Variants in PDE10A observed in about 807,000 individuals in gnomAD.
PDE10A encodes the protein cAMP and cAMP-inhibited cGMP 3',5'-cyclic phosphodiesterase 10A.
Under a neutral mutation model 97.7 loss-of-function variants are expected in PDE10A, and 39 were observed. The ratio of observed to expected loss-of-function variants is 0.40; its 90% CI spans 0.31 to 0.52. The LOEUF (loss-of-function observed/expected upper bound fraction) is 0.52. Ranked by LOEUF, PDE10A falls within the 20% of genes least tolerant of loss-of-function variation. The pLI is 0.56. For synonymous variants in PDE10A, 371 were observed against 376.8 expected (o/e 0.98, Z 0.18); for missense variants, 731 against 1,047.8 (o/e 0.70, Z 4.17).
At chr6:165,391,919 G>T (rs148338465) in intron 16 of PDE10A, among the ~76,000 whole-genome samples, 6 of 152,288 alleles carry the variant, frequency 3.9e-5, no homozygotes, top group Non-Finnish European at 8.8e-5. Context: ...CCTAAAAGAT[G>T]ATACCAGTTT....
intron 1 of PDE10A, among the ~76,000 whole-genome samples, chr6:165,713,228 C>T (rs1341900169): frequency 6.6e-6 from 1 of 152,186 alleles, no homozygotes; most frequent in African/African-American, 2.4e-5. Flanking sequence ...GAATCCCTCC[C>T]TTCTAGCAGA....
At chr6:165,691,886 A>G (rs1025380761) in intron 1 of PDE10A, among the ~76,000 whole-genome samples, 3 of 151,984 alleles carry the variant, frequency 2.0e-5, no homozygotes, top group African/African-American at 7.3e-5. Flanking sequence ...TACGCTTTTC[A>G]CCCAAGCACT....
chr6:165,800,440 G>A (rs1426241103), intron 1 of PDE10A, among the ~76,000 whole-genome samples: 1 of 152,226 alleles, frequency 6.6e-6, no homozygotes, highest in Non-Finnish European at 1.5e-5. Flanking sequence ...AGCATCGGCT[G>A]GAACTGCGGC....
chr6:165,829,234 C>T (rs932758419), intron 1 of PDE10A, among the ~76,000 whole-genome samples: 1 of 152,220 alleles, frequency 6.6e-6, no homozygotes, highest in East Asian at 1.9e-4. Flanking sequence ...TATCGCTGCT[C>T]CCCCAGTGGA....
At chr6:165,958,264 C>T (rs1365894777) in intron 1 of PDE10A, among the ~76,000 whole-genome samples, 1 of 152,076 alleles carries the variant, frequency 6.6e-6, no homozygotes, top group Admixed American at 6.6e-5. Flanking sequence ...GAGGTTTGAA[C>T]ACGCAGGTGC....
intron 18 of PDE10A, among the ~76,000 whole-genome samples, chr6:165,349,005 T>C (rs1583085647): frequency 6.6e-6 from 1 of 152,288 alleles, no homozygotes; most frequent in East Asian, 1.9e-4. Context: ...TACCCAGTCT[T>C]GGGTATTTCT....
intron 1 of PDE10A, among the ~76,000 whole-genome samples, chr6:165,680,830 G>A (rs1296313871): frequency 6.6e-6 from 1 of 152,186 alleles, no homozygotes; most frequent in Non-Finnish European, 1.5e-5. Flanking sequence ...GTTGCAGGGA[G>A]CCGAGGTTGT....
chr6:165,507,936 T>C (rs1466247549), intron 2 of PDE10A, among the ~76,000 whole-genome samples: 1 of 152,096 alleles, frequency 6.6e-6, no homozygotes. Flanking sequence ...AAAGTACATA[T>C]ATTAAAACAA....
At chr6:165,894,172 G>A in intron 1 of PDE10A, 2 of 378,328 alleles carry the variant, frequency 5.3e-6, no homozygotes, top group Non-Finnish European at 1.1e-5. Context: ...GCTGATTTAG[G>A]AACTACATTC....
At chr6:165,485,822 G>T (rs1376653334) in intron 2 of PDE10A, among the ~76,000 whole-genome samples, 3 of 152,112 alleles carry the variant, frequency 2.0e-5, no homozygotes, top group African/African-American at 7.2e-5. Flanking sequence ...TCGAACTCCT[G>T]ACTTCAGATG....
At chr6:165,684,281 GGA>G in intron 1 of PDE10A, among the ~76,000 whole-genome samples, 1 of 152,314 alleles carries the variant, frequency 6.6e-6, no homozygotes, top group African/African-American at 2.4e-5. Flanking sequence ...CCAGAACATA[GGA>G]CTGCCTGGTC....
intron 3 of PDE10A, among the ~76,000 whole-genome samples, chr6:165,458,702 T>C (rs1778112109): frequency 6.6e-6 from 1 of 151,890 alleles, no homozygotes. Context: ...CACACACACG[T>C]TTTATAAATA....
intron 2 of PDE10A, among the ~76,000 whole-genome samples, chr6:165,489,734 T>C (rs1304062213): frequency 6.6e-6 from 1 of 151,888 alleles, no homozygotes; most frequent in African/African-American, 2.4e-5. Flanking sequence ...TCTAGTGAAA[T>C]AGACAGCATA....
At chr6:165,440,705 T>A (rs889482124) in intron 5 of PDE10A, among the ~76,000 whole-genome samples, 5 of 152,084 alleles carry the variant, frequency 3.3e-5, no homozygotes, top group Non-Finnish European at 7.4e-5. Context: ...GACTCTAGAG[T>A]CATCTAGTTG....
At chr6:165,423,288 GT>G (rs1220337360) in intron 10 of PDE10A, among the ~76,000 whole-genome samples, 1 of 152,148 alleles carries the variant, frequency 6.6e-6, no homozygotes, top group African/African-American at 2.4e-5. Context: ...AGTAGTTGAT[GT>G]TTTCAGATCA....
At chr6:165,474,244 A>T (rs1361567599) in intron 3 of PDE10A, among the ~76,000 whole-genome samples, 3 of 152,208 alleles carry the variant, frequency 2.0e-5, no homozygotes, top group African/African-American at 7.2e-5. Flanking sequence ...ATGCCAGTTA[A>T]GGAACTTCTA....
At chr6:165,594,507 C>CA in intron 1 of PDE10A, among the ~76,000 whole-genome samples, 1 of 151,948 alleles carries the variant, frequency 6.6e-6, no homozygotes, top group Middle Eastern at 3.4e-3. Flanking sequence ...TGAAGCAGAA[C>CA]AAAAAAGTGG....
chr6:165,394,746 T>C (rs979141380), intron 15 of PDE10A, among the ~76,000 whole-genome samples: 10 of 152,218 alleles, frequency 6.6e-5, no homozygotes, highest in Non-Finnish European at 1.3e-4. Context: ...CCTGACTCTT[T>C]AATGATCGCC....
intron 1 of PDE10A, among the ~76,000 whole-genome samples, chr6:165,875,731 G>GTTTTTTTTTTTTTTT (rs748111095): frequency 8.5e-5 from 4 of 46,944 alleles, no homozygotes; most frequent in African/African-American, 2.3e-4. Flanking sequence ...TTCTTTTACT[G>GTTTTTTTTTTTTTTT]TTTTTTTTTT....
Sources: gnomAD v4.1 joint callset for allele counts (sites outside exome capture counted in the v4.1 genomes callset) on GRCh38, gnomAD v4.1.1 for gene constraint, MANE v1.5 for transcripts, NCBI Gene and HGNC (gene_info 2026-07-23, HGNC 2026-07-21) for gene names.